The following CUL4A variants were observed in gnomAD, a reference collection of about 807,000 sequenced individuals.
CUL4A encodes cullin-4A.
Under a neutral mutation model 95.5 loss-of-function variants are expected in CUL4A, and 16 were observed. The observed-to-expected ratio is 0.17, with a 90% CI of 0.11 to 0.25. The LOEUF is 0.25. CUL4A is among the 10% of genes least tolerant of loss of function. The probability of loss-of-function intolerance (pLI) is 1.00; values close to 1 mark genes in which losing one functional copy is unlikely to be tolerated. For missense variants in CUL4A, 610 were observed against 937.0 expected, an observed-to-expected ratio of 0.65 and a Z score of 4.56; for synonymous variants, 380 against 353.1, an observed-to-expected ratio of 1.08 and a Z score of -0.85.
Position 113,253,099 on chromosome 13 carries a change from A to C in CUL4A, c.1656A>C (p.Glu552Asp). 2 of 1,600,634 alleles carry C rather than the reference A, an allele frequency of 1.2e-6. No individual in the cohort carries two copies. The highest frequency in any genetic ancestry group is 1.7e-6 in the Non-Finnish European group (2 of 1,171,376). ...HLTPEMIKLQ[E>D]VFKAFYLGKH... ...CTTAACAGATGATTAAACTTCAGGA[A>C]GTATTTAAGGCATTTTATCTTGGAA... is the stretch of plus-strand genomic sequence containing the variant. The change falls in exon 16 of 20, where the codon GAA becomes GAC. Residue 552 changes from glutamate to aspartate, a missense_variant. By Grantham distance (45) the Glu-to-Asp change is conservative. This residue lies in a region of CUL4A where 44 missense variants were observed against 75.6 expected (regional missense o/e 0.58). Transcript: ENST00000375440.
intron 11 of CUL4A, 123 bp from the exon 12 acceptor site, chr13:113,244,287 G>T (rs1230111110): frequency 2.9e-6 from 2 of 697,022 alleles, no homozygotes; most frequent in South Asian, 2.1e-5. Context: ...TCAGATATTT[G>T]TTTTTTTGTC....
chr13:113,230,568 A>G (rs2041274317), intron 5 of CUL4A, among the ~76,000 whole-genome samples: 1 of 152,180 alleles, frequency 6.6e-6, no homozygotes, highest in African/African-American at 2.4e-5. Context: ...AATGGAGATG[A>G]TAAAAGTGAT....
chr13:113,235,966 G>T (rs543684169), intron 8 of CUL4A, among the ~76,000 whole-genome samples: 2 of 143,294 alleles, frequency 1.4e-5, no homozygotes, highest in Non-Finnish European at 3.0e-5. Context: ...GCGAGACTCC[G>T]TCTCAAAAAA....
chr13:113,215,660 C>T (rs994277844), intron 2 of CUL4A, among the ~76,000 whole-genome samples: 1 of 139,880 alleles, frequency 7.1e-6, no homozygotes. Context: ...CCATGTGGCT[C>T]TGAAGGTCTC....
Position 113,245,956 on chromosome 13 carries a change from C to T in CUL4A, c.1531C>T (p.His511Tyr), listed in dbSNP as rs147152451. Reference protein sequence around the residue: ...SKDIMVHFKQHMQNQSDSGPI... With the variant: ...SKDIMVHFKQYMQNQSDSGPI... ...ATTGTCTTGGATTTCTCTGTTTTAG[C>T]ATATGCAGAATCAGAGTGACTCAGG... Residue 511 changes from histidine (H) to tyrosine (Y), a missense_variant and splice_region_variant, in exon 15 of 20, where the codon CAT becomes TAT. This residue lies in a region of CUL4A where 44 missense variants were observed against 75.6 expected (regional missense o/e 0.58). Transcript: ENST00000375440. The T allele has an allele frequency of 4.4e-5, 70 of 1,605,190 alleles. No homozygotes were observed. The highest frequency in any genetic ancestry group is 5.9e-5 in the Non-Finnish European group (69 of 1,173,316).
chr13:113,262,394 G>A (rs748414686), intron 19 of CUL4A, among the ~76,000 whole-genome samples: 2 of 152,172 alleles, frequency 1.3e-5, no homozygotes, highest in East Asian at 1.9e-4. Flanking sequence ...CCTCACGCCA[G>A]CGATCCCAGC....
At position 113,232,171 on chromosome 13, in the gene CUL4A, CCCACCACCATTACTGCTGCCACCA is replaced by C. The variant is rs1566343557; in HGVS notation, c.513-1004_513-981del. Reference sequence around the variant, plus strand: ...CCATTACTGCTGCCACCACTACCCGCCCACCACCATTACTGCTGCCACCACTACCCGCCCACCACCATTACTGCT... The same window carrying C: ...CCATTACTGCTGCCACCACTACCCGCCTACCCGCCCACCACCATTACTGCT... On this transcript the variant is annotated intron_variant, in intron 5 of 19. Transcript: ENST00000375440. Among the ~76,000 whole-genome samples, 19 of 115,830 alleles carry C rather than the reference CCCACCACCATTACTGCTGCCACCA, an allele frequency of 1.6e-4. 6 individuals carry two copies. The highest frequency in any genetic ancestry group is 8.4e-4 in the African/African-American group (19 of 22,500). The allele number at this position is 115,830 out of a possible 152,430, so 76.0% of individuals were successfully genotyped here.
chr13:113,209,891 G>GA, intron 1 of CUL4A, 82 bp from the exon 2 acceptor site: 1 of 1,206,574 alleles, frequency 8.3e-7, no homozygotes, highest in Non-Finnish European at 1.0e-6. Context: ...CGGGGGCGCC[G>GA]GGGCGCCGGC....
chr13:113,209,814 G>A, intron 1 of CUL4A, 39 bp downstream of exon 1: 2 of 1,167,548 alleles, frequency 1.7e-6, no homozygotes, highest in Non-Finnish European at 2.1e-6. Context: ...GGCGCCCCGG[G>A]CGGGGACCCC....
At chr13:113,255,244 C>G (rs943578694) in intron 18 of CUL4A, 119 bp downstream of exon 18, 3 of 678,632 alleles carry the variant, frequency 4.4e-6, no homozygotes, top group Non-Finnish European at 5.0e-6. Flanking sequence ...TCCAATTTCA[C>G]TATGTAATGT....
chr13:113,218,498 T>C (rs537489919), intron 2 of CUL4A, among the ~76,000 whole-genome samples: 4 of 152,330 alleles, frequency 2.6e-5, no homozygotes, highest in Admixed American at 1.3e-4. Flanking sequence ...CTTGGTTCTC[T>C]AGCCCTGATT....
chr13:113,220,844 C>T (rs764048660), intron 3 of CUL4A, among the ~76,000 whole-genome samples: 3 of 152,134 alleles, frequency 2.0e-5, no homozygotes, highest in East Asian at 1.9e-4. Context: ...TCCAAGAAGT[C>T]GCAGGCTTAT....
chr13:113,233,244 G>C lies in CUL4A; in HGVS notation c.580G>C (p.Asp194His). Residue 194 changes from aspartate to histidine, a missense_variant, in exon 6 of 20, where the codon GAT (aspartate) becomes CAT (histidine). Physicochemically the swap from Asp to His is moderately conservative, Grantham distance 81. Transcript: ENST00000375440. ...SDKMVQSKTI[D>H]GILLLIERER... Reference sequence around the variant, plus strand: ...TAAAATGGTTCAGAGTAAAACCATTGATGGAATCCTACTGCTGATCGAGCG... The same window carrying C: ...TAAAATGGTTCAGAGTAAAACCATTCATGGAATCCTACTGCTGATCGAGCG... 1 of 1,614,078 alleles carries C rather than the reference G, an allele frequency of 6.2e-7. No individual in the cohort carries two copies. Among genetic ancestry groups the C allele is most frequent in the Non-Finnish European group, 8.5e-7 (1 of 1,179,992 alleles).
intron 15 of CUL4A, among the ~76,000 whole-genome samples, chr13:113,247,289 T>C (rs1422370577): frequency 6.6e-6 from 1 of 152,082 alleles, no homozygotes; most frequent in Non-Finnish European, 1.5e-5. Context: ...CAAACTCTTA[T>C]CAATGTGACT....
At chr13:113,227,514 G>A (rs567654970) in intron 3 of CUL4A, among the ~76,000 whole-genome samples, 5 of 152,332 alleles carry the variant, frequency 3.3e-5, no homozygotes, top group Non-Finnish European at 5.9e-5. Context: ...TGAATTTTGG[G>A]GGGACATGAA....
intron 10 of CUL4A, among the ~76,000 whole-genome samples, chr13:113,240,592 A>G (rs1269293205): frequency 6.6e-6 from 1 of 152,224 alleles, no homozygotes; most frequent in East Asian, 1.9e-4. Context: ...CCAGAGAATT[A>G]CACTAAGAGG....
chr13:113,244,373 CTAGTT>C, intron 11 of CUL4A, 32 bp from the exon 12 acceptor site: 1 of 1,448,154 alleles, frequency 6.9e-7, no homozygotes, highest in African/African-American at 1.4e-5. Context: ...CTCTCTTTTT[CTAGTT>C]TAGAGTATTT....
In CUL4A at chr13:113,247,219, G is replaced by A. The variant is rs549833255; in HGVS notation, c.1638+1156G>A. On this transcript the variant is annotated intron_variant, in intron 15 of 19. Coordinates refer to ENST00000375440, the MANE Select transcript of CUL4A (RefSeq NM_001008895.4). ...CCCATGACCCAAACACCTCCCACCA[G>A]GCCCCACCTCCAGCACTGCAGATCA... Among the ~76,000 whole-genome samples, 8 of 152,222 alleles carry A rather than the reference G, an allele frequency of 5.3e-5. No individual in the cohort carries two copies. The East Asian group carries it at 1.5e-3, about 29-fold the overall frequency.
intron 18 of CUL4A, among the ~76,000 whole-genome samples, chr13:113,255,632 C>A (rs934916665): frequency 1.3e-5 from 2 of 152,160 alleles, no homozygotes; most frequent in Non-Finnish European, 2.9e-5. Flanking sequence ...TTGCCCTTTC[C>A]TGAATGCCGT....
Sources: allele counts gnomAD v4.1 joint callset (sites outside exome capture counted in the v4.1 genomes callset), GRCh38; gene constraint gnomAD v4.1.1; regional missense constraint gnomAD v4.1.1; transcripts MANE v1.5; gene names NCBI Gene and HGNC (gene_info 2026-07-23, HGNC 2026-07-21).